The following FOXP1 variants were observed in gnomAD, a reference collection of about 807,000 sequenced individuals.
The protein encoded by FOXP1 is forkhead box P1, also known as forkhead box protein P1.
A neutral mutation model predicts 98.2 loss-of-function variants in FOXP1; 15 were observed. The observed-to-expected ratio is 0.15, with a 90% CI of 0.10 to 0.24. The LOEUF (loss-of-function observed/expected upper bound fraction) is 0.24. FOXP1 is among the 10% of genes least tolerant of loss of function. The pLI is 1.00. For missense variants in FOXP1, 633 were observed against 848.5 expected (o/e 0.75, Z 3.15); for synonymous variants, 371 against 314.5 (o/e 1.18, Z -1.90).
chr3:71,041,684 T>C (rs571923960), intron 10 of FOXP1, 152 bp from the exon 11 acceptor site: 98 of 724,726 alleles, frequency 1.4e-4, no homozygotes, highest in Non-Finnish European at 2.4e-4. Context: ...CTACGGCAGA[T>C]GCGGTAGTAA....
chr3:71,423,982 C>T (rs377043628), intron 3 of FOXP1, among the ~76,000 whole-genome samples: 1 of 152,132 alleles, frequency 6.6e-6, no homozygotes, highest in Non-Finnish European at 1.5e-5. Flanking sequence ...TTTTTAGAGA[C>T]AAGGTCTCCT....
chr3:71,290,948 T>TC (rs1441598524), intron 5 of FOXP1, among the ~76,000 whole-genome samples: 1 of 152,320 alleles, frequency 6.6e-6, no homozygotes, highest in African/African-American at 2.4e-5. Context: ...GGACACTGCT[T>TC]CGGCCATACT....
chr3:71,123,329 C>T (rs1053738243), intron 6 of FOXP1, among the ~76,000 whole-genome samples: 3 of 152,288 alleles, frequency 2.0e-5, no homozygotes, highest in Non-Finnish European at 2.9e-5. Flanking sequence ...TTAACAAGCC[C>T]AGCTATCTCT....
chr3:71,232,360 T>C (rs2066358234), intron 5 of FOXP1, among the ~76,000 whole-genome samples: 2 of 152,266 alleles, frequency 1.3e-5, no homozygotes, highest in South Asian at 4.2e-4. Flanking sequence ...CTGTGATCAA[T>C]TAGCAATGTC....
At chr3:71,430,756 T>C (rs1471529136) in intron 3 of FOXP1, among the ~76,000 whole-genome samples, 1 of 152,060 alleles carries the variant, frequency 6.6e-6, no homozygotes, top group Non-Finnish European at 1.5e-5. Context: ...TTCTGCCACG[T>C]TGGAAAAGAG....
At chr3:71,198,432 G>GGGGGGGGGGGCCC in intron 5 of FOXP1, 40 bp from the exon 6 acceptor site, 1 of 491,034 alleles carries the variant, frequency 2.0e-6, no homozygotes, top group Non-Finnish European at 4.0e-6. Context: ...GGGAGGGGGG[G>GGGGGGGGGGGCCC]AGAAAAAAAA....
At chr3:71,105,051 T>G (rs559779742) in intron 7 of FOXP1, among the ~76,000 whole-genome samples, 1 of 152,346 alleles carries the variant, frequency 6.6e-6, no homozygotes, top group African/African-American at 2.4e-5. Context: ...ATCTAGTTAT[T>G]AAGCAGCTGA....
intron 2 of FOXP1, among the ~76,000 whole-genome samples, chr3:71,566,233 C>G (rs1318456502): frequency 6.6e-6 from 1 of 152,210 alleles, no homozygotes; most frequent in Non-Finnish European, 1.5e-5. Context: ...TCTTCCCAAC[C>G]TGCAAAGCAG....
chr3:71,136,298 A>C (rs2059818337), intron 6 of FOXP1, among the ~76,000 whole-genome samples: 1 of 152,246 alleles, frequency 6.6e-6, no homozygotes, highest in Non-Finnish European at 1.5e-5. Flanking sequence ...TGTTATTGAA[A>C]GAAAATTGTG....
chr3:71,287,451 C>T (rs200230264), intron 5 of FOXP1, among the ~76,000 whole-genome samples: 33 of 151,320 alleles, frequency 2.2e-4, no homozygotes, highest in East Asian at 1.4e-3. Flanking sequence ...CCAGCCTGGG[C>T]GAAAGAGCGA....
At chr3:71,055,777 T>C (rs1166581261) in intron 7 of FOXP1, among the ~76,000 whole-genome samples, 1 of 152,236 alleles carries the variant, frequency 6.6e-6, no homozygotes, top group South Asian at 2.1e-4. Context: ...TGCATCATCA[T>C]ACGGGGAGGT....
chr3:71,510,002 A>G (rs2042086754), intron 2 of FOXP1, among the ~76,000 whole-genome samples: 1 of 151,880 alleles, frequency 6.6e-6, no homozygotes, highest in Non-Finnish European at 1.5e-5. Flanking sequence ...AACATGGTGA[A>G]ACCCCATCTC....
chr3:71,582,447 G>A, intron 1 of FOXP1: 5 of 985,348 alleles, frequency 5.1e-6, no homozygotes, highest in Non-Finnish European at 6.0e-6. Context: ...GAGTCGTCTC[G>A]GCGGGACAGG....
intron 6 of FOXP1, among the ~76,000 whole-genome samples, chr3:71,197,115 T>C (rs914329189): frequency 3.9e-5 from 6 of 152,200 alleles, no homozygotes; most frequent in Non-Finnish European, 7.3e-5. Context: ...AAGCTTAGCT[T>C]CTCTGACACA....
chr3:71,133,617 GAGTTTA>G (rs1357106969), intron 6 of FOXP1, among the ~76,000 whole-genome samples: 1 of 152,012 alleles, frequency 6.6e-6, no homozygotes, highest in Admixed American at 6.5e-5. Flanking sequence ...CAGAAGGGCT[GAGTTTA>G]AGACAGCAAA....
At chr3:71,574,533 T>C (rs927983100) in intron 2 of FOXP1, 4 of 152,202 alleles carry the variant, frequency 2.6e-5, no homozygotes, top group Non-Finnish European at 5.9e-5. Flanking sequence ...GTGGCATCGT[T>C]GGCTAGGCTA....
chr3:71,576,445 G>A (rs1019710379), intron 2 of FOXP1, among the ~76,000 whole-genome samples: 1 of 152,188 alleles, frequency 6.6e-6, no homozygotes, highest in Non-Finnish European at 1.5e-5. Context: ...AATATTTCGT[G>A]ATATCAGTTC....
intron 2 of FOXP1, chr3:71,570,966 T>G (rs2047294641): frequency 6.3e-5 from 2 of 31,706 alleles, no homozygotes; most frequent in South Asian, 1.1e-3. Context: ...TTGTGATGCA[T>G]TTTTTTAAAA....
chr3:71,431,272 T>A (rs765036696), intron 3 of FOXP1, among the ~76,000 whole-genome samples: 1 of 152,110 alleles, frequency 6.6e-6, no homozygotes, highest in Non-Finnish European at 1.5e-5. Context: ...GAAGGCTTCA[T>A]GGATGAGGAA....
Sources: gnomAD v4.1 joint callset for allele counts (sites outside exome capture counted in the v4.1 genomes callset) on GRCh38, gnomAD v4.1.1 for gene constraint, MANE v1.5 for transcripts, NCBI Gene and HGNC (gene_info 2026-07-23, HGNC 2026-07-21) for gene names.